UMAD1: variants seen among roughly 807,000 people sequenced by gnomAD.
UMAD1 encodes UBAP1-MVB12-associated (UMA) domain containing 1.
In UMAD1, 8 loss-of-function variants were observed where a neutral mutation model predicts 6.1. The observed-to-expected ratio is 1.30, with a 90% CI of 0.76 to 2.35. The LOEUF is 2.35. UMAD1 is among the 30% of genes most tolerant of loss of function. The probability of loss-of-function intolerance (pLI) is 0.00; values close to 1 mark genes in which losing one functional copy is unlikely to be tolerated. For missense variants in UMAD1, 130 were observed against 78.4 expected (o/e 1.66, Z -2.49); for synonymous variants, 56 against 31.4 (o/e 1.78, Z -2.61).
At chr7:7,743,123 TATCTAA>T (rs1350107572) in intron 2 of UMAD1, among the ~76,000 whole-genome samples, 1 of 152,228 alleles carries the variant, frequency 6.6e-6, no homozygotes, top group African/African-American at 2.4e-5. Context: ...TGTAAGTATG[TATCTAA>T]AATTGGTTTA....
At chr7:7,730,501 T>A (rs1781226651) in intron 2 of UMAD1, among the ~76,000 whole-genome samples, 1 of 152,182 alleles carries the variant, frequency 6.6e-6, no homozygotes, top group South Asian at 2.1e-4. Context: ...ACCTTTAAAC[T>A]TACCTCTGAT....
intron 2 of UMAD1, among the ~76,000 whole-genome samples, chr7:7,782,569 T>A (rs1782367885): frequency 2.0e-5 from 3 of 152,140 alleles, no homozygotes; most frequent in Admixed American, 2.0e-4. Context: ...TTTTAAATTG[T>A]AGGGTTATTT....
chr7:7,817,770 T>A (rs28568990), intron 3 of UMAD1, among the ~76,000 whole-genome samples: 2 of 152,120 alleles, frequency 1.3e-5, no homozygotes, highest in African/African-American at 4.8e-5. Flanking sequence ...TAAAGACACA[T>A]TTTCAATGGT....
chr7:7,778,275 T>TGTGAGAGAGAGAGAGA (rs1271237125), intron 2 of UMAD1, among the ~76,000 whole-genome samples: 1 of 110,596 alleles, frequency 9.0e-6, no homozygotes, highest in Non-Finnish European at 1.8e-5. Context: ...TGTGTGTGTG[T>TGTGAGAGAGAGAGAGA]GAGAGAGAGA....
chr7:7,736,618 T>C (rs1435196977), intron 2 of UMAD1: 1 of 152,236 alleles, frequency 6.6e-6, no homozygotes, highest in Non-Finnish European at 1.5e-5. Context: ...AGAACATGTT[T>C]TTCTTCATCT....
chr7:7,781,533 A>G (rs1054848410), intron 2 of UMAD1, among the ~76,000 whole-genome samples: 28 of 151,984 alleles, frequency 1.8e-4, no homozygotes, highest in Non-Finnish European at 3.8e-4. Flanking sequence ...CCATTTATTT[A>G]ATTATTTTTT....
chr7:7,758,199 G>A (rs1016412614), intron 2 of UMAD1, among the ~76,000 whole-genome samples: 8 of 151,982 alleles, frequency 5.3e-5, no homozygotes, highest in African/African-American at 1.9e-4. Context: ...ATGAGCCACC[G>A]CGTTTGGCCT....
intron 2 of UMAD1, among the ~76,000 whole-genome samples, chr7:7,748,093 C>A (rs976236671): frequency 1.5e-5 from 2 of 133,750 alleles, no homozygotes; most frequent in African/African-American, 6.4e-5. Context: ...CCTGCCACCA[C>A]GCCCAGCTAA....
chr7:7,847,316 T>G (rs1163197704), intron 3 of UMAD1, among the ~76,000 whole-genome samples: 1 of 150,496 alleles, frequency 6.6e-6, no homozygotes, highest in Non-Finnish European at 1.5e-5. Context: ...GCTTCACAGT[T>G]TACATAGCTT....
chr7:7,741,499 C>T (rs1016717347), intron 2 of UMAD1, among the ~76,000 whole-genome samples: 1 of 151,262 alleles, frequency 6.6e-6, no homozygotes, highest in Non-Finnish European at 1.5e-5. Context: ...ATGGCGTGAA[C>T]CCAGGAGGCG....
chr7:7,712,109 A>T (rs1780780775), intron 2 of UMAD1, among the ~76,000 whole-genome samples: 1 of 152,110 alleles, frequency 6.6e-6, no homozygotes, highest in Admixed American at 6.5e-5. Context: ...AGCCAATGTC[A>T]TAAAGCTCAT....
intron 2 of UMAD1, among the ~76,000 whole-genome samples, chr7:7,679,935 G>T (rs1327044708): frequency 6.6e-6 from 1 of 151,628 alleles, no homozygotes; most frequent in Non-Finnish European, 1.5e-5. Context: ...TATACTGATT[G>T]TTCATCCATT....
chr7:7,722,965 C>T (rs538252166), intron 2 of UMAD1, among the ~76,000 whole-genome samples: 1 of 152,304 alleles, frequency 6.6e-6, no homozygotes, highest in African/African-American at 2.4e-5. Context: ...CCTCTCCAAC[C>T]GATGCTGCCA....
intron 3 of UMAD1, 128 bp downstream of exon 3, chr7:7,801,871 T>G (rs1782806611): frequency 3.2e-6 from 2 of 626,460 alleles, no homozygotes; most frequent in African/African-American, 3.7e-5. Flanking sequence ...GGGAAACAAG[T>G]GGTCTGCTGA....
chr7:7,766,078 G>T (rs549302306), intron 2 of UMAD1, among the ~76,000 whole-genome samples: 2 of 152,234 alleles, frequency 1.3e-5, no homozygotes, highest in South Asian at 4.1e-4. Context: ...TCCAGATATG[G>T]CAGATAGAAC....
chr7:7,644,230 C>T (rs1275339626), intron 1 of UMAD1, among the ~76,000 whole-genome samples: 2 of 151,724 alleles, frequency 1.3e-5, no homozygotes, highest in African/African-American at 2.4e-5. Flanking sequence ...TTATGTTTAT[C>T]TTTTTTTCCT....
At chr7:7,761,378 A>G (rs187122319) in intron 2 of UMAD1, among the ~76,000 whole-genome samples, 1 of 151,810 alleles carries the variant, frequency 6.6e-6, no homozygotes, top group East Asian at 1.9e-4. Context: ...AAAAAAAAGT[A>G]CCACTTCTTT....
intron 2 of UMAD1, among the ~76,000 whole-genome samples, chr7:7,785,250 G>T (rs1414000404): frequency 2.0e-5 from 3 of 152,164 alleles, no homozygotes; most frequent in African/African-American, 7.2e-5. Flanking sequence ...CTTTTAAGAA[G>T]TCAATCATTC....
intron 2 of UMAD1, among the ~76,000 whole-genome samples, chr7:7,783,078 C>G (rs187759169): frequency 6.6e-6 from 1 of 152,266 alleles, no homozygotes; most frequent in African/African-American, 2.4e-5. Flanking sequence ...CTGGCAAAGT[C>G]TGATCTAGAG....
Sources: gnomAD v4.1 joint callset for allele counts (sites outside exome capture counted in the v4.1 genomes callset) on GRCh38, gnomAD v4.1.1 for gene constraint, MANE v1.5 for transcripts, NCBI Gene and HGNC (gene_info 2026-07-23, HGNC 2026-07-21) for gene names.